Variants in SPECC1 observed in about 807,000 individuals in gnomAD.
SPECC1 encodes sperm antigen with calponin homology and coiled-coil domains 1, also known as cytospin-B.
In SPECC1, 62 loss-of-function variants were observed where a neutral mutation model predicts 104.1. The ratio of observed to expected loss-of-function variants is 0.60; its 90% CI spans 0.49 to 0.74. The LOEUF is 0.74. SPECC1 is among the 30% of genes least tolerant of loss of function. The pLI is 0.00. For synonymous variants in SPECC1, 513 were observed against 501.6 expected (o/e 1.02, Z -0.30); for missense variants, 1,306 against 1,310.5 (o/e 1.00, Z 0.05).
intron 13 of SPECC1, among the ~76,000 whole-genome samples, chr17:20,304,001 A>G (rs572040638): frequency 2.7e-5 from 4 of 150,782 alleles, no homozygotes; most frequent in Admixed American, 2.0e-4. Flanking sequence ...GCCAGGTGCC[A>G]TAGCTCACAC....
At chr17:20,222,058 G>T (rs1216321009) in intron 4 of SPECC1, among the ~76,000 whole-genome samples, 1 of 151,278 alleles carries the variant, frequency 6.6e-6, no homozygotes, top group African/African-American at 2.4e-5. Context: ...ACAGGGCCAG[G>T]CGTGGTGGTT....
chr17:20,236,797 C>T, intron 7 of SPECC1: 1 of 1,600,160 alleles, frequency 6.2e-7, no homozygotes, highest in Non-Finnish European at 8.6e-7. Flanking sequence ...CGTTTGTGAA[C>T]TAAGACTGTA....
chr17:20,146,069 C>T (rs1263459648), intron 3 of SPECC1, among the ~76,000 whole-genome samples: 1 of 152,152 alleles, frequency 6.6e-6, no homozygotes, highest in Non-Finnish European at 1.5e-5. Context: ...AGTGTAAGTA[C>T]ATTGTTATTA....
At chr17:20,285,312 A>G (rs1256522504) in intron 12 of SPECC1, among the ~76,000 whole-genome samples, 2 of 152,206 alleles carry the variant, frequency 1.3e-5, no homozygotes, top group Non-Finnish European at 2.9e-5. Flanking sequence ...ATTCTTGGAT[A>G]TGCACTAAAA....
chr17:20,317,182 A>T lies in SPECC1; in HGVS notation c.*3117A>T. ...ATAATCCCAGCACTTTGGGAGGCTG[A>T]GGTGGGAGGATTGCTTGAGCCCAGG... On this transcript the variant is annotated 3_prime_UTR_variant, in exon 15 of 15. Coordinates refer to ENST00000395527, the MANE Select transcript of SPECC1 (RefSeq NM_001243439.2). The T allele has an allele frequency of 6.3e-6, 1 of 158,806 alleles. No homozygotes were observed. The highest frequency in any genetic ancestry group is 1.3e-5 in the Non-Finnish European group (1 of 75,758). 9.8% of individuals were successfully genotyped at this position (158,806 alleles called of 1,614,324 possible).
At chr17:20,245,551 G>A (rs2039386188) in intron 7 of SPECC1, among the ~76,000 whole-genome samples, 1 of 152,112 alleles carries the variant, frequency 6.6e-6, no homozygotes, top group South Asian at 2.1e-4. Flanking sequence ...CATGTCGGCA[G>A]CCGGTCCACT....
chr17:20,162,087 G>C (rs529944811), intron 3 of SPECC1, among the ~76,000 whole-genome samples: 268 of 151,856 alleles, frequency 1.8e-3, no homozygotes, highest in African/African-American at 6.4e-3. Context: ...GAGCCACCGT[G>C]CCCTGCTCTC....
intron 12 of SPECC1, among the ~76,000 whole-genome samples, chr17:20,289,655 C>T (rs866172102): frequency 1.3e-5 from 2 of 152,132 alleles, no homozygotes; most frequent in Non-Finnish European, 2.9e-5. Flanking sequence ...TTAGTTCAGC[C>T]GTTGTGGATG....
intron 1 of SPECC1, among the ~76,000 whole-genome samples, chr17:20,060,677 C>T (rs557583427): frequency 1.1e-4 from 17 of 152,136 alleles, no homozygotes; most frequent in Non-Finnish European, 2.1e-4. Flanking sequence ...ATGTGTCTTT[C>T]TGGCTTGCAG....
intron 3 of SPECC1, among the ~76,000 whole-genome samples, chr17:20,188,855 C>A (rs1208198816): frequency 6.6e-6 from 1 of 152,122 alleles, no homozygotes; most frequent in Non-Finnish European, 1.5e-5. Context: ...AAAAACAACT[C>A]CCACCCCCAA....
chr17:20,234,810 C>T (rs1256506465), intron 7 of SPECC1, among the ~76,000 whole-genome samples: 1 of 152,158 alleles, frequency 6.6e-6, no homozygotes, highest in Admixed American at 6.5e-5. Flanking sequence ...AGATGAAGCA[C>T]CTGGGCAGAA....
intron 3 of SPECC1, among the ~76,000 whole-genome samples, chr17:20,176,959 C>G (rs1271634655): frequency 3.3e-5 from 5 of 152,078 alleles, no homozygotes; most frequent in Non-Finnish European, 7.4e-5. Context: ...ATGTGTAAAC[C>G]TTTTATCATA....
intron 7 of SPECC1, among the ~76,000 whole-genome samples, chr17:20,239,893 T>G (rs1293399945): frequency 7.8e-6 from 1 of 128,970 alleles, no homozygotes; most frequent in Non-Finnish European, 1.6e-5. Flanking sequence ...TTTTTTTTTT[T>G]TTTTTTTTTT....
chr17:20,109,766 A>G (rs1597722124), intron 2 of SPECC1, among the ~76,000 whole-genome samples: 2 of 152,124 alleles, frequency 1.3e-5, no homozygotes, highest in Admixed American at 1.3e-4. Context: ...TTTCTTTTGC[A>G]TTGCCCTACC....
At position 20,254,134 on chromosome 17, in the gene SPECC1, C is replaced by CGTGTGTGTGTGTGTGT. The variant is rs71357419; in HGVS notation, c.2680+575_2680+590dup. Among the ~76,000 whole-genome samples, 961 of 135,946 alleles carry CGTGTGTGTGTGTGTGT rather than the reference C, an allele frequency of 7.1e-3. 21 individuals carry two copies. Among genetic ancestry groups the CGTGTGTGTGTGTGTGT allele is most frequent in the African/African-American group, 0.022 (742 of 33,730 alleles). The allele number at this position is 135,946 out of a possible 152,430, so 89.2% of individuals were successfully genotyped here. A position where few individuals can be genotyped will look rare whatever the true frequency, so the allele number is the denominator to read the frequency against. On this transcript the variant is annotated intron_variant, in intron 10 of 14. Transcript: ENST00000395527. The stretch of plus-strand genomic sequence containing the variant: ...TGCAGTCCTCTTCCTGTTGTTACAC[C>CGTGTGTGTGTGTGTGT]GTGTGTGTGTGTGTGTGTGTGTGTG...
At chr17:20,068,803 A>G (rs2046447706) in intron 1 of SPECC1, among the ~76,000 whole-genome samples, 1 of 152,090 alleles carries the variant, frequency 6.6e-6, no homozygotes, top group Admixed American at 6.5e-5. Flanking sequence ...GTCTATTTGG[A>G]GAAATACCTG....
intron 3 of SPECC1, among the ~76,000 whole-genome samples, chr17:20,127,679 G>C (rs972966): frequency 0.31 from 46,961 of 151,952 alleles, 8,581 homozygotes; most frequent in Middle Eastern, 0.42. Flanking sequence ...AAGTAAGGAG[G>C]GCATTAAAGC....
chr17:20,159,566 C>T (rs1193541386), intron 3 of SPECC1, among the ~76,000 whole-genome samples: 1 of 152,240 alleles, frequency 6.6e-6, no homozygotes, highest in African/African-American at 2.4e-5. Flanking sequence ...AGGCAGAAGG[C>T]AGCTTCTCAG....
intron 3 of SPECC1, among the ~76,000 whole-genome samples, chr17:20,174,467 G>C (rs192666764): frequency 8.9e-4 from 135 of 152,232 alleles, no homozygotes; most frequent in African/African-American, 3.1e-3. Flanking sequence ...TACCAATGAG[G>C]GGGTGAGGGA....
Sources: gnomAD v4.1 joint callset for allele counts (sites outside exome capture counted in the v4.1 genomes callset) on GRCh38, gnomAD v4.1.1 for gene constraint, MANE v1.5 for transcripts, NCBI Gene and HGNC (gene_info 2026-07-23, HGNC 2026-07-21) for gene names.